The following HIVEP2 variants were observed in gnomAD, a reference collection of about 807,000 sequenced individuals.
HIVEP2 encodes the protein HIVEP zinc finger 2, also known as transcription factor HIVEP2.
Under a neutral mutation model 180.7 loss-of-function variants are expected in HIVEP2, and 14 were observed. That is an observed-to-expected ratio of 0.08 (90% CI 0.05 to 0.12). The LOEUF (loss-of-function observed/expected upper bound fraction) is 0.12. HIVEP2 is among the 10% of genes least tolerant of loss of function. The pLI is 1.00. For synonymous variants in HIVEP2, 1,184 were observed against 1,136.4 expected (o/e 1.04, Z -0.84); for missense variants, 2,579 against 3,008.5 (o/e 0.86, Z 3.34).
At chr6:142,821,971 C>A (rs1777053782) in intron 2 of HIVEP2, among the ~76,000 whole-genome samples, 1 of 152,180 alleles carries the variant, frequency 6.6e-6, no homozygotes, top group South Asian at 2.1e-4. Context: ...CAAACAAAGA[C>A]AGAAGCTGGC....
rs150414346 is a variant in HIVEP2 at position 142,818,151 on chromosome 6, C to T, written c.-528+18784G>A. Reference sequence around the variant, plus strand: ...CATTTTAGACATGGTGAATCTGAGGCAGGACAACTAAAGTCACCTGCTAGA... The same window carrying T: ...CATTTTAGACATGGTGAATCTGAGGTAGGACAACTAAAGTCACCTGCTAGA... On this transcript the variant is annotated intron_variant, in intron 2 of 9. Coordinates refer to ENST00000367603, the MANE Select transcript of HIVEP2 (RefSeq NM_006734.4). Among the ~76,000 whole-genome samples the T allele has an allele frequency of 1.2e-3, 187 of 152,254 alleles. 1 individual carries two copies. Among genetic ancestry groups the T allele is most frequent in the African/African-American group, 4.0e-3 (167 of 41,550 alleles).
Position 142,773,771 on chromosome 6 carries a change from A to G in HIVEP2, c.968T>C (p.Met323Thr). The change falls in exon 5 of 10, where the codon ATG becomes ACG. Residue 323 changes from methionine (M) to threonine (T), a missense_variant. Physicochemically the swap from Met to Thr is moderately conservative, Grantham distance 81 (BLOSUM62 -1). This residue lies in a region of HIVEP2 where 142 missense variants were observed against 135.2 expected (regional missense o/e 1.05). Transcript: ENST00000367603. ...GSLEESLGGP[M>T]KVPILIIPKS... ...AGGGATAATCAAAATCGGCACCTTCATTGGACCTCCCAATGATTCTTCCAA... is the reference window on the plus strand; with the variant it reads ...AGGGATAATCAAAATCGGCACCTTCGTTGGACCTCCCAATGATTCTTCCAA... 1 of 1,614,018 alleles carries G rather than the reference A, an allele frequency of 6.2e-7. No homozygotes were observed. The highest frequency in any genetic ancestry group is 2.2e-5 in the East Asian group (1 of 44,874).
At chr6:142,939,566 G>C (rs1158053009) in intron 1 of HIVEP2, among the ~76,000 whole-genome samples, 1 of 152,094 alleles carries the variant, frequency 6.6e-6, no homozygotes, top group Non-Finnish European at 1.5e-5. Flanking sequence ...TCTTTACTCA[G>C]TGAAATTCTA....
chr6:142,854,734 G>A (rs1159809045), intron 1 of HIVEP2, among the ~76,000 whole-genome samples: 1 of 152,142 alleles, frequency 6.6e-6, no homozygotes, highest in Non-Finnish European at 1.5e-5. Context: ...GCCACATCCT[G>A]CTTCTTAAGC....
chr6:142,812,141 A>G (rs1009688262), intron 2 of HIVEP2, among the ~76,000 whole-genome samples: 1 of 152,208 alleles, frequency 6.6e-6, no homozygotes, highest in African/African-American at 2.4e-5. Context: ...AAGATGGTTA[A>G]AGGTCACAGG....
intron 2 of HIVEP2, among the ~76,000 whole-genome samples, chr6:142,814,895 T>C (rs1776792919): frequency 1.3e-5 from 2 of 152,130 alleles, no homozygotes; most frequent in Non-Finnish European, 2.9e-5. Context: ...GTTCATTTTG[T>C]TCTACTATAA....
intron 1 of HIVEP2, among the ~76,000 whole-genome samples, chr6:142,847,795 A>G (rs959839679): frequency 6.6e-6 from 1 of 152,226 alleles, no homozygotes; most frequent in African/African-American, 2.4e-5. Context: ...AAAATATATG[A>G]AGACTACAAA....
intron 2 of HIVEP2, among the ~76,000 whole-genome samples, chr6:142,811,899 A>G (rs1438677801): frequency 6.6e-6 from 1 of 152,240 alleles, no homozygotes; most frequent in East Asian, 1.9e-4. Context: ...GCCTGAAAAC[A>G]GCGATAGAAG....
At chr6:142,869,052 A>G (rs368896512) in intron 1 of HIVEP2, among the ~76,000 whole-genome samples, 1 of 152,298 alleles carries the variant, frequency 6.6e-6, no homozygotes. Flanking sequence ...GATATTTGGC[A>G]ATGTCTGGAG....
At chr6:142,938,953 G>GA (rs1452003393) in intron 1 of HIVEP2, among the ~76,000 whole-genome samples, 1 of 152,098 alleles carries the variant, frequency 6.6e-6, no homozygotes, top group African/African-American at 2.4e-5. Context: ...ACCACGAAAT[G>GA]AATCAGTGGC....
At position 142,761,702 on chromosome 6, in the gene HIVEP2, T is replaced by C. The variant is rs551024376; in HGVS notation, c.5519-137A>G. 4.4e-5 allele frequency: 29 copies of C among 655,278 alleles called. No individual in the cohort carries two copies. In the South Asian group the frequency reaches 4.7e-4, roughly 11 times the overall value. 40.6% of individuals were successfully genotyped at this position (655,278 alleles called of 1,614,324 possible). On this transcript the variant is annotated intron_variant, in intron 7 of 9. Coordinates refer to ENST00000367603, the MANE Select transcript of HIVEP2 (RefSeq NM_006734.4). ...GTAACACAGATTTGTTTCTACCCAC[T>C]ACCCCTTGTTTCAACCTTAAGAAGA...
intron 1 of HIVEP2, among the ~76,000 whole-genome samples, chr6:142,867,089 A>G (rs1320165262): frequency 6.6e-6 from 1 of 152,150 alleles, no homozygotes. Context: ...TCTTGTAATA[A>G]ATAATTGGAC....
At chr6:142,805,251 T>G (rs1315611659) in intron 2 of HIVEP2, among the ~76,000 whole-genome samples, 1 of 152,062 alleles carries the variant, frequency 6.6e-6, no homozygotes, top group African/African-American at 2.4e-5. Context: ...TGGCCACTTG[T>G]ACCAGCCAGC....
At chr6:142,757,501 A>C (rs1293662526) in intron 9 of HIVEP2, among the ~76,000 whole-genome samples, 1 of 152,108 alleles carries the variant, frequency 6.6e-6, no homozygotes, top group Admixed American at 6.5e-5. Flanking sequence ...TCTACTAAAA[A>C]TACAAAAATT....
intron 3 of HIVEP2, among the ~76,000 whole-genome samples, chr6:142,778,421 T>C (rs997620382): frequency 1.3e-5 from 2 of 152,196 alleles, no homozygotes; most frequent in Admixed American, 6.5e-5. Context: ...CCCTCTAAAA[T>C]GGAAATATAC....
In HIVEP2 at chr6:142,773,049, G is replaced by T; in HGVS notation, c.1690C>A (p.His564Asn). The T allele has an allele frequency of 6.2e-7, 1 of 1,614,244 alleles. No individual in the cohort carries two copies. ...CCAGTCATCCTTTCATCAAATGAGTGACTTCCTCTCAAAGAAGGAGGAATA... is the reference window on the plus strand; with the variant it reads ...CCAGTCATCCTTTCATCAAATGAGTTACTTCCTCTCAAAGAAGGAGGAATA... Reference protein sequence around the residue: ...LTIPPSLRGSHSFDERMTGSD... With the variant: ...LTIPPSLRGSNSFDERMTGSD... The change falls in exon 5 of 10, where the codon CAC becomes AAC. Residue 564 changes from histidine (H) to asparagine (N), a missense_variant. Physicochemically the swap from His to Asn is moderately conservative, Grantham distance 68. Around this residue, in one of 11 missense-constraint regions of HIVEP2, gnomAD observed 524 missense variants for 563.6 expected, o/e 0.93. Coordinates refer to ENST00000367603, the MANE Select transcript of HIVEP2 (RefSeq NM_006734.4).
chr6:142,790,016 T>C (rs894370322), intron 2 of HIVEP2, among the ~76,000 whole-genome samples: 29 of 152,222 alleles, frequency 1.9e-4, no homozygotes, highest in Admixed American at 7.9e-4. Flanking sequence ...CAAAAATAAT[T>C]ACTTAATTTA....
intron 2 of HIVEP2, chr6:142,788,452 C>T (rs1438236734): frequency 2.0e-5 from 3 of 152,314 alleles, no homozygotes; most frequent in Non-Finnish European, 4.4e-5. Context: ...GTGGCTCACA[C>T]CTGTAATCCC....
chr6:142,922,083 GC>G (rs67961099), intron 1 of HIVEP2, among the ~76,000 whole-genome samples: 16,112 of 152,024 alleles, frequency 0.11, 1,029 homozygotes, highest in South Asian at 0.13. Context: ...TCAGGATCTG[GC>G]CTCATCTTAC....
Sources: allele counts gnomAD v4.1 joint callset (sites outside exome capture counted in the v4.1 genomes callset), GRCh38; gene constraint gnomAD v4.1.1; regional missense constraint gnomAD v4.1.1; transcripts MANE v1.5; gene names NCBI Gene and HGNC (gene_info 2026-07-23, HGNC 2026-07-21).